Variants in NLRC4 observed in about 807,000 individuals in gnomAD.
The protein encoded by NLRC4 is NLR family CARD domain containing 4.
A neutral mutation model predicts 79.9 loss-of-function variants in NLRC4; 63 were observed. The observed-to-expected ratio is 0.79, with a 90% CI of 0.64 to 0.97. The LOEUF (loss-of-function observed/expected upper bound fraction) is 0.97. Among genes scored for constraint, NLRC4 ranks in the 50% least tolerant of loss-of-function variants. The pLI is 0.00. For synonymous variants in NLRC4, 461 were observed against 456.5 expected, an observed-to-expected ratio of 1.01 and a Z score of -0.12; for missense variants, 1,074 against 1,215.2, an observed-to-expected ratio of 0.88 and a Z score of 1.73.
chr2:32,261,237 C>G (rs1313992906), intron 1 of NLRC4, among the ~76,000 whole-genome samples: 1 of 150,582 alleles, frequency 6.6e-6, no homozygotes, highest in East Asian at 2.0e-4. Context: ...CACAAAACCA[C>G]TCACTCAGGT....
Position 32,241,496 on chromosome 2 carries a change from C to T in NLRC4, c.2258-371G>A, listed in dbSNP as rs545987677. Among the ~76,000 whole-genome samples the T allele has an allele frequency of 3.6e-3, 551 of 151,660 alleles. 3 individuals carry two copies. Among genetic ancestry groups the T allele is most frequent in the Middle Eastern group, 0.02 (6 of 294 alleles). ...GGTTCACACCATTCTCCTGCCTCAG[C>T]CTCCCAAGTAGCTGGGACTACAGGC... On this transcript the variant is annotated intron_variant, in intron 4 of 8. Coordinates refer to ENST00000402280, the MANE Select transcript of NLRC4 (RefSeq NM_001199138.2).
At chr2:32,262,197 A>T (rs1687369570) in intron 1 of NLRC4, among the ~76,000 whole-genome samples, 1 of 152,198 alleles carries the variant, frequency 6.6e-6, no homozygotes, top group South Asian at 2.1e-4. Flanking sequence ...CCACTGACAC[A>T]CTAAGAGTCC....
rs1452532054 is a variant in NLRC4, at chr2:32,252,580, T to C, written c.101A>G (p.Asn34Ser). Residue 34 changes from asparagine to serine, a missense_variant, in exon 3 of 9, where the codon AAT becomes AGT. Transcript: ENST00000402280. ...TDDLFVWNVL[N>S]REEVNIICCE... is the part of the protein sequence containing the mutation. Reference sequence around the variant, plus strand: ...GCAAATGATGTTTACTTCTTCGCGATTCAGAACATTCCATACAAATAGGTC... The same window carrying C: ...GCAAATGATGTTTACTTCTTCGCGACTCAGAACATTCCATACAAATAGGTC... The C allele has an allele frequency of 2.5e-6, 4 of 1,614,110 alleles. No homozygotes were observed. In the Admixed American group the frequency reaches 6.7e-5, roughly 27 times the overall value.
At position 32,251,320 on chromosome 2, in the gene NLRC4, T is replaced by G; in HGVS notation, c.544A>C (p.Ile182Leu). 2 of 1,614,120 alleles carry G rather than the reference T, an allele frequency of 1.2e-6. No homozygotes were observed. The highest frequency in any genetic ancestry group is 1.7e-6 in the Non-Finnish European group (2 of 1,180,014). Residue 182 changes from isoleucine to leucine, a missense_variant, in exon 4 of 9, where the codon ATT (isoleucine) becomes CTT (leucine). By Grantham distance (5) the Ile-to-Leu change is conservative. Coordinates refer to ENST00000402280, the MANE Select transcript of NLRC4 (RefSeq NM_001199138.2). ...GKGKSTLLQRIAMLWGSGKCK... is the reference protein window; with the variant it reads ...GKGKSTLLQRLAMLWGSGKCK... Reference sequence around the variant, plus strand: ...TTTCCGGAGCCCCAGAGCATGGCAATTCGCTGCAGCAGAGTGGACTTGCCT... The same window carrying G: ...TTTCCGGAGCCCCAGAGCATGGCAAGTCGCTGCAGCAGAGTGGACTTGCCT...
chr2:32,254,241 T>G (rs1687152450), intron 2 of NLRC4, among the ~76,000 whole-genome samples: 4 of 152,010 alleles, frequency 2.6e-5, no homozygotes, highest in Non-Finnish European at 5.9e-5. Flanking sequence ...ACTTAGGAAG[T>G]TGTTACAATA....
chr2:32,260,504 G>A (rs981549566), intron 1 of NLRC4, among the ~76,000 whole-genome samples: 3 of 152,168 alleles, frequency 2.0e-5, no homozygotes, highest in African/African-American at 7.2e-5. Context: ...AGTGATAAGT[G>A]AGGATAAGAA....
rs1190342822 is a variant in NLRC4, at chr2:32,249,702, G to C, written c.2162C>G (p.Ala721Gly). Reference sequence around the variant, plus strand: ...CTCATCTTCTATGGTGAGGGGACTGGCTTCCACCATGAGAGAATAAATGTT... The same window carrying C: ...CTCATCTTCTATGGTGAGGGGACTGCCTTCCACCATGAGAGAATAAATGTT... ...CKNIYSLMVEASPLTIEDERH... is the reference protein window; with the variant it reads ...CKNIYSLMVEGSPLTIEDERH... The change falls in exon 4 of 9, where the codon GCC (alanine) becomes GGC (glycine). Residue 721 changes from alanine (A) to glycine (G), a missense_variant. Coordinates refer to ENST00000402280, the MANE Select transcript of NLRC4 (RefSeq NM_001199138.2). 1.2e-6 allele frequency: 2 copies of C among 1,614,020 alleles called. No individual in the cohort carries two copies. The highest frequency in any genetic ancestry group is 1.7e-6 in the Non-Finnish European group (2 of 1,179,886).
chr2:32,230,806 A>G lies in NLRC4; in HGVS notation c.2782+4595T>C, dbSNP rs140291377. ...CCTAGGAAGAGAGTTGCTGGGTCAT[A>G]TGACAACTCTATGTTTAACATTTTG... On this transcript the variant is annotated intron_variant, in intron 8 of 8. Transcript: ENST00000402280. 5.1e-3 allele frequency among the ~76,000 whole-genome samples: 783 copies of G among 152,274 alleles called. 5 individuals are homozygous for G. Among genetic ancestry groups the G allele is most frequent in the African/African-American group, 0.017 (718 of 41,552 alleles).
intron 2 of NLRC4, among the ~76,000 whole-genome samples, chr2:32,254,629 T>C (rs1342742524): frequency 6.7e-6 from 1 of 149,506 alleles, no homozygotes; most frequent in Non-Finnish European, 1.5e-5. Context: ...TTTTTTTTTT[T>C]TTTTTTCAGA....
At chr2:32,225,259 C>T (rs973826843) in intron 8 of NLRC4, among the ~76,000 whole-genome samples, 1 of 151,950 alleles carries the variant, frequency 6.6e-6, no homozygotes, top group Non-Finnish European at 1.5e-5. Context: ...TTTTGTTTAC[C>T]TGTTTATGTA....
Position 32,224,802 on chromosome 2 carries a change from AT to A in NLRC4, c.2783-38del, listed in dbSNP as rs3832075. The stretch of plus-strand genomic sequence containing the variant: ...AATAAGTATATTAGTTGGAAGAAAA[AT>A]TTTTTTTAAAAAAAAAGAGAAATAG... On this transcript the variant is annotated intron_variant, in intron 8 of 8. Transcript: ENST00000402280. 2.4e-3 allele frequency: 2,778 copies of A among 1,154,596 alleles called. 65 individuals carry two copies. The African/African-American group carries it at 0.043, about 18-fold the overall frequency. The allele number at this position is 1,154,596 out of a possible 1,614,324, so 71.5% of individuals were successfully genotyped here.
intron 6 of NLRC4, 121 bp downstream of exon 6, chr2:32,238,011 T>A (rs899689703): frequency 1.4e-6 from 1 of 693,140 alleles, no homozygotes; most frequent in African/African-American, 1.9e-5. Flanking sequence ...ATCGAGAAGT[T>A]TTTATTTTCC....
chr2:32,255,604 T>G (rs1687190476), intron 2 of NLRC4, among the ~76,000 whole-genome samples: 2 of 152,016 alleles, frequency 1.3e-5, no homozygotes, highest in East Asian at 3.9e-4. Context: ...CTAGCCTTCC[T>G]GAGACTACCT....
At chr2:32,224,801 A>C in intron 8 of NLRC4, 36 bp from the exon 9 acceptor site, 1 of 1,162,422 alleles carries the variant, frequency 8.6e-7, no homozygotes, top group Non-Finnish European at 1.2e-6. Context: ...TTGGAAGAAA[A>C]ATTTTTTTTA....
At chr2:32,263,040 C>A (rs537689155) in intron 1 of NLRC4, among the ~76,000 whole-genome samples, 1 of 152,136 alleles carries the variant, frequency 6.6e-6, no homozygotes, top group African/African-American at 2.4e-5. Context: ...AGTACTAATT[C>A]TAAAATTGGC....
At chr2:32,259,763 T>A (rs966359940) in intron 1 of NLRC4, among the ~76,000 whole-genome samples, 4 of 152,154 alleles carry the variant, frequency 2.6e-5, no homozygotes, top group Non-Finnish European at 4.4e-5. Flanking sequence ...ACTCTTCTGA[T>A]TTTTTTAAAC....
At position 32,250,351 on chromosome 2, in the gene NLRC4, C is replaced by T. The variant is rs1023640850; in HGVS notation, c.1513G>A (p.Val505Ile). ...TACACTGCTGCGAGGTGCTTCATAACAGCCCTGGTGGCTTCCACAGATGAC... is the reference window on the plus strand; with the variant it reads ...TACACTGCTGCGAGGTGCTTCATAATAGCCCTGGTGGCTTCCACAGATGAC... ...CGSSVEATRA[V>I]MKHLAAVYQH... is the part of the protein sequence containing the mutation. Residue 505 changes from valine (V) to isoleucine (I), a missense_variant, in exon 4 of 9, where the codon GTT (valine) becomes ATT (isoleucine). Coordinates refer to ENST00000402280, the MANE Select transcript of NLRC4 (RefSeq NM_001199138.2). This position sits in a 1 kb window ranked among gnomAD's most constrained non-coding sequence, Gnocchi z 4.9. 6.2e-7 allele frequency: 1 copy of T among 1,614,080 alleles called. No individual in the cohort carries two copies. Among genetic ancestry groups the T allele is most frequent in the Non-Finnish European group, 8.5e-7 (1 of 1,180,050 alleles).
intron 1 of NLRC4, among the ~76,000 whole-genome samples, chr2:32,260,298 A>G (rs573290190): frequency 2.6e-5 from 4 of 151,702 alleles, no homozygotes; most frequent in East Asian, 1.9e-4. Context: ...GGTTGTTTTC[A>G]GATTGGGGCT....
rs1281567009 is a variant in NLRC4 at position 32,250,736 on chromosome 2, G to C, written c.1128C>G (p.His376Gln). 1.1e-5 allele frequency: 17 copies of C among 1,614,066 alleles called. No individual in the cohort carries two copies. Among genetic ancestry groups the C allele is most frequent in the Non-Finnish European group, 1.3e-5 (15 of 1,180,026 alleles). ...FYDLLIQKNK[H>Q]KHKGVAASDF... ...CACTTGCAGCCACACCTTTATGTTT[G>C]TGTTTGTTTTTCTGTATCAACAGAT... Residue 376 changes from histidine (H) to glutamine (Q), a missense_variant, in exon 4 of 9, where the codon CAC becomes CAG. Physicochemically the swap from His to Gln is conservative, Grantham distance 24. Transcript: ENST00000402280. This position sits in a 1 kb window ranked among gnomAD's most constrained non-coding sequence, Gnocchi z 4.9.
Sources: gnomAD v4.1 joint callset for allele counts (sites outside exome capture counted in the v4.1 genomes callset) on GRCh38, gnomAD v4.1.1 for gene constraint, Gnocchi (gnomAD v3.1) non-coding constraint, MANE v1.5 for transcripts, NCBI Gene and HGNC (gene_info 2026-07-23, HGNC 2026-07-21) for gene names.